The following DPYD variants were observed in gnomAD, a reference collection of about 807,000 sequenced individuals.
The protein encoded by DPYD is dihydropyrimidine dehydrogenase [NADP(+)].
Under a neutral mutation model 116.2 loss-of-function variants are expected in DPYD, and 109 were observed. The observed-to-expected ratio is 0.94, with a 90% CI of 0.80 to 1.10. The LOEUF is 1.10. Ranked by LOEUF, DPYD falls within the 50% of genes least tolerant of loss-of-function variation. The pLI, the probability that DPYD is intolerant of heterozygous loss-of-function variation, is 0.00. For missense variants in DPYD, 1,302 were observed against 1,254.5 expected, an observed-to-expected ratio of 1.04 and a Z score of -0.57; for synonymous variants, 440 against 432.0, an observed-to-expected ratio of 1.02 and a Z score of -0.23.
At chr1:97,221,688 C>A (rs1265697755) in intron 19 of DPYD, among the ~76,000 whole-genome samples, 2 of 151,996 alleles carry the variant, frequency 1.3e-5, no homozygotes, top group African/African-American at 2.4e-5. Context: ...ATGAAGTGGT[C>A]TTTTCAAAAT....
chr1:97,116,994 C>CAAA (rs397784957), intron 20 of DPYD, among the ~76,000 whole-genome samples: 1 of 107,184 alleles, frequency 9.3e-6, no homozygotes, highest in African/African-American at 3.5e-5. Flanking sequence ...ACTAAAAATA[C>CAAA]AAAAAAAAAA....
intron 14 of DPYD, among the ~76,000 whole-genome samples, chr1:97,398,726 T>A (rs58897692): frequency 0.19 from 29,206 of 152,232 alleles, 2,976 homozygotes; most frequent in South Asian, 0.37. Context: ...ATTTGTCTGA[T>A]GGCTGCATAA....
intron 16 of DPYD, among the ~76,000 whole-genome samples, chr1:97,339,009 A>G (rs750842820): frequency 5.3e-5 from 8 of 152,192 alleles, no homozygotes; most frequent in Non-Finnish European, 1.2e-4. Flanking sequence ...GAAAATAAAA[A>G]TAATAATTAC....
intron 3 of DPYD, among the ~76,000 whole-genome samples, chr1:97,820,758 C>T (rs1668881843): frequency 6.6e-6 from 1 of 152,162 alleles, no homozygotes; most frequent in African/African-American, 2.4e-5. Context: ...TAACAGATCT[C>T]ACTGAATAGA....
At chr1:97,352,824 A>G (rs1670221243) in intron 16 of DPYD, among the ~76,000 whole-genome samples, 1 of 152,192 alleles carries the variant, frequency 6.6e-6, no homozygotes, top group Non-Finnish European at 1.5e-5. Context: ...CAACTACATA[A>G]CACCATGTAA....
At chr1:97,759,330 T>A (rs1665446410) in intron 3 of DPYD, among the ~76,000 whole-genome samples, 1 of 152,186 alleles carries the variant, frequency 6.6e-6, no homozygotes, top group Admixed American at 6.6e-5. Flanking sequence ...ATGTTTCTGG[T>A]TAATGCTTCT....
At chr1:97,565,973 C>A (rs1652490268) in intron 11 of DPYD, among the ~76,000 whole-genome samples, 1 of 152,130 alleles carries the variant, frequency 6.6e-6, no homozygotes, top group South Asian at 2.1e-4. Flanking sequence ...TTTTTTACAG[C>A]TTTTTAAAAT....
At chr1:97,124,457 A>G (rs1305179667) in intron 20 of DPYD, among the ~76,000 whole-genome samples, 3 of 152,142 alleles carry the variant, frequency 2.0e-5, no homozygotes, top group African/African-American at 7.2e-5. Context: ...CCAAAAAAAC[A>G]GTTCAAGGAA....
intron 4 of DPYD, 126 bp downstream of exon 4, chr1:97,740,266 C>T (rs1664186738): frequency 5.9e-6 from 4 of 676,044 alleles, no homozygotes; most frequent in Admixed American, 4.9e-5. Context: ...TTTTTAAATG[C>T]CTATAGAAGT....
intron 18 of DPYD, among the ~76,000 whole-genome samples, chr1:97,278,735 G>T (rs1665115886): frequency 6.6e-6 from 1 of 152,196 alleles, no homozygotes; most frequent in Non-Finnish European, 1.5e-5. Context: ...TAGTAATGAT[G>T]CAAAGGGCTA....
chr1:97,428,441 T>C (rs1674995763), intron 14 of DPYD, among the ~76,000 whole-genome samples: 1 of 152,056 alleles, frequency 6.6e-6, no homozygotes, highest in African/African-American at 2.4e-5. Flanking sequence ...GCCCAGTGAG[T>C]ACTTATGTAA....
At chr1:97,835,620 T>A (rs59190735) in intron 2 of DPYD, among the ~76,000 whole-genome samples, 1 of 152,080 alleles carries the variant, frequency 6.6e-6, no homozygotes, top group Admixed American at 6.6e-5. Context: ...TATTTGCTTT[T>A]TAATCATAAT....
chr1:97,645,246 A>G (rs1189322713), intron 8 of DPYD, among the ~76,000 whole-genome samples: 1 of 152,086 alleles, frequency 6.6e-6, no homozygotes, highest in Non-Finnish European at 1.5e-5. Context: ...ATGGTTTTAT[A>G]TAATAATTGT....
At chr1:97,675,801 T>G (rs938478113) in intron 8 of DPYD, among the ~76,000 whole-genome samples, 7 of 150,436 alleles carry the variant, frequency 4.7e-5, no homozygotes, top group African/African-American at 1.7e-4. Context: ...GAGGCTGGAG[T>G]GCAGTGGTGA....
chr1:97,456,682 T>C (rs1676707166), intron 13 of DPYD, among the ~76,000 whole-genome samples: 1 of 152,120 alleles, frequency 6.6e-6, no homozygotes, highest in South Asian at 2.1e-4. Context: ...AATGATGGCG[T>C]AATTGAGAGC....
intron 20 of DPYD, among the ~76,000 whole-genome samples, chr1:97,181,298 TG>T (rs992364883): frequency 6.6e-6 from 1 of 152,070 alleles, no homozygotes; most frequent in African/African-American, 2.4e-5. Context: ...TTACAAGCAA[TG>T]CAAAACTACC....
chr1:97,838,010 CATTT>C (rs1163846289), intron 2 of DPYD, among the ~76,000 whole-genome samples: 1 of 152,030 alleles, frequency 6.6e-6, no homozygotes, highest in African/African-American at 2.4e-5. Flanking sequence ...TTTTGACCCT[CATTT>C]TAGAAGATAC....
At chr1:97,096,907 T>C (rs1650293714) in intron 21 of DPYD, among the ~76,000 whole-genome samples, 2 of 152,026 alleles carry the variant, frequency 1.3e-5, no homozygotes, top group South Asian at 4.1e-4. Context: ...TTAAGAGCTG[T>C]AACACTCACT....
At chr1:97,279,867 G>A (rs189730286) in intron 18 of DPYD, 1 of 152,304 alleles carries the variant, frequency 6.6e-6, no homozygotes, top group East Asian at 1.9e-4. Flanking sequence ...CTGTAATTGA[G>A]ACAGGAAACT....
Sources: allele counts gnomAD v4.1 joint callset (sites outside exome capture counted in the v4.1 genomes callset), GRCh38; gene constraint gnomAD v4.1.1; transcripts MANE v1.5; gene names NCBI Gene and HGNC (gene_info 2026-07-23, HGNC 2026-07-21).